Variants in PRKD3 observed in about 807,000 individuals in gnomAD.
PRKD3 encodes serine/threonine-protein kinase D3.
Under a neutral mutation model 99.2 loss-of-function variants are expected in PRKD3, and 47 were observed. The observed-to-expected ratio is 0.47, with a 90% CI of 0.38 to 0.60. The LOEUF is 0.60. Among genes scored for constraint, PRKD3 ranks in the 20% least tolerant of loss-of-function variants. The probability of loss-of-function intolerance (pLI) is 0.00; values close to 1 mark genes in which losing one functional copy is unlikely to be tolerated. For missense variants in PRKD3, 1,019 were observed against 1,088.4 expected, an observed-to-expected ratio of 0.94 and a Z score of 0.90; for synonymous variants, 392 against 355.4, an observed-to-expected ratio of 1.10 and a Z score of -1.16.
chr2:37,298,429 A>G (rs1236851990), intron 2 of PRKD3, among the ~76,000 whole-genome samples: 1 of 151,632 alleles, frequency 6.6e-6, no homozygotes, highest in Admixed American at 6.6e-5. Flanking sequence ...TTTTAAAAAC[A>G]GATGTATAGT....
At chr2:37,318,155 T>A (rs1474213749) in intron 1 of PRKD3, among the ~76,000 whole-genome samples, 1 of 151,930 alleles carries the variant, frequency 6.6e-6, no homozygotes, top group Non-Finnish European at 1.5e-5. Flanking sequence ...TGGGTTAAAT[T>A]AGGAAGAACG....
chr2:37,292,538 G>A (rs943460069), intron 3 of PRKD3, among the ~76,000 whole-genome samples: 1 of 151,978 alleles, frequency 6.6e-6, no homozygotes, highest in Admixed American at 6.6e-5. Context: ...AGTACAGACG[G>A]GGTTTCATCT....
At chr2:37,318,281 G>C (rs1327316202) in intron 1 of PRKD3, among the ~76,000 whole-genome samples, 1 of 152,154 alleles carries the variant, frequency 6.6e-6, no homozygotes, top group Non-Finnish European at 1.5e-5. Flanking sequence ...TCAAGTAAAT[G>C]ATCATTATTC....
intron 2 of PRKD3, among the ~76,000 whole-genome samples, chr2:37,294,568 C>T (rs1246492124): frequency 1.3e-5 from 2 of 149,278 alleles, no homozygotes; most frequent in Non-Finnish European, 3.0e-5. Context: ...TTTGTAAAAC[C>T]TCATAGTATG....
intron 2 of PRKD3, among the ~76,000 whole-genome samples, chr2:37,314,265 T>C (rs1671566976): frequency 6.6e-6 from 1 of 152,214 alleles, no homozygotes; most frequent in African/African-American, 2.4e-5. Context: ...GGAAAAATGA[T>C]TCCCCTGCAA....
Position 37,274,671 on chromosome 2 carries a change from G to T in PRKD3, c.1401C>A (p.Arg467=). ...YKEIPLSEIL[R]ISSPRDFTNI... ...TTGTGAAATCTCGTGGTGAAGATAT[G>T]CGGAGAATTTCTGAAAGTGGAATTT... The change falls in exon 11 of 19, where the codon CGC becomes CGA. Residue 467 remains arginine, a synonymous_variant. Coordinates refer to ENST00000234179, the MANE Select transcript of PRKD3 (RefSeq NM_005813.6). 3 of 1,613,524 alleles carry T rather than the reference G, an allele frequency of 1.9e-6. No individual in the cohort carries two copies. The highest frequency in any genetic ancestry group is 2.5e-6 in the Non-Finnish European group (3 of 1,179,608).
At chr2:37,255,454 A>G (rs1219273539) in intron 17 of PRKD3, among the ~76,000 whole-genome samples, 1 of 152,180 alleles carries the variant, frequency 6.6e-6, no homozygotes, top group East Asian at 1.9e-4. Context: ...TCAGCAGACT[A>G]AAGAGGGCCA....
chr2:37,294,821 T>C (rs1318752404), intron 2 of PRKD3, among the ~76,000 whole-genome samples: 1 of 152,208 alleles, frequency 6.6e-6, no homozygotes, highest in Non-Finnish European at 1.5e-5. Context: ...ATGCCTGTAA[T>C]CCCAGCACTT....
At chr2:37,315,792 C>T (rs1671631193) in intron 2 of PRKD3, among the ~76,000 whole-genome samples, 1 of 152,224 alleles carries the variant, frequency 6.6e-6, no homozygotes, top group South Asian at 2.1e-4. Context: ...GCTATCTCAG[C>T]TCACTGCAAC....
intron 2 of PRKD3, among the ~76,000 whole-genome samples, chr2:37,299,128 C>T (rs963308623): frequency 6.6e-6 from 1 of 152,068 alleles, no homozygotes; most frequent in African/African-American, 2.4e-5. Flanking sequence ...GTTTTTATCA[C>T]GAAGTTTTCA....
At chr2:37,267,364 A>ATT in intron 14 of PRKD3, 66 bp downstream of exon 14, 1 of 941,396 alleles carries the variant, frequency 1.1e-6, no homozygotes, top group Non-Finnish European at 1.6e-6. Context: ...AAAAAAAAAG[A>ATT]GAAGCAGTTA....
At chr2:37,295,419 A>C (rs1465866287) in intron 2 of PRKD3, among the ~76,000 whole-genome samples, 1 of 152,202 alleles carries the variant, frequency 6.6e-6, no homozygotes, top group Non-Finnish European at 1.5e-5. Context: ...TGTAAGCATC[A>C]TCAATGAGAA....
chr2:37,320,753 G>T (rs780107437), intron 1 of PRKD3, among the ~76,000 whole-genome samples: 1 of 152,064 alleles, frequency 6.6e-6, no homozygotes, highest in Non-Finnish European at 1.5e-5. Context: ...CTTCTACTTT[G>T]ATGAATGTCT....
chr2:37,322,381 G>C lies in PRKD3; in HGVS notation c.-656+2300C>G, dbSNP rs556522282. ...TTAACATACTTTTCCTAAGAGCTTAGCATTTGCTAAATTGTTTCCTCTAAA... is the reference window on the plus strand; with the variant it reads ...TTAACATACTTTTCCTAAGAGCTTACCATTTGCTAAATTGTTTCCTCTAAA... On this transcript the variant is annotated intron_variant, in intron 1 of 18. Coordinates refer to ENST00000234179, the MANE Select transcript of PRKD3 (RefSeq NM_005813.6). Among the ~76,000 whole-genome samples, 12 of 152,278 alleles carry C rather than the reference G, an allele frequency of 7.9e-5. No individual in the cohort carries two copies. In the South Asian group the frequency reaches 2.5e-3, roughly 32 times the overall value.
intron 9 of PRKD3, among the ~76,000 whole-genome samples, chr2:37,277,180 G>T (rs1669615280): frequency 6.6e-6 from 1 of 152,118 alleles, no homozygotes; most frequent in African/African-American, 2.4e-5. Context: ...AACATTTATT[G>T]AGTGTTTCTG....
Position 37,272,491 on chromosome 2 carries a change from C to T in PRKD3, c.1652-59G>A, listed in dbSNP as rs920386462. 31 of 1,539,922 alleles carry T rather than the reference C, an allele frequency of 2.0e-5. No individual in the cohort carries two copies. In the African/African-American group the frequency reaches 4.1e-4, roughly 20 times the overall value. ...TGACAATATTATTAATCTTTACTGA[C>T]ATGTGAATGCTCATGGTATATCAAA... On this transcript the variant is annotated intron_variant, in intron 11 of 18. Coordinates refer to ENST00000234179, the MANE Select transcript of PRKD3 (RefSeq NM_005813.6).
chr2:37,306,474 C>A (rs765198798), intron 2 of PRKD3, among the ~76,000 whole-genome samples: 1 of 152,142 alleles, frequency 6.6e-6, no homozygotes, highest in South Asian at 2.1e-4. Flanking sequence ...TAAAAATTCA[C>A]ATTAACTATA....
At chr2:37,265,310 A>G (rs1668761080) in intron 14 of PRKD3, among the ~76,000 whole-genome samples, 1 of 152,226 alleles carries the variant, frequency 6.6e-6, no homozygotes, top group South Asian at 2.1e-4. Context: ...TGTGATGCTC[A>G]CATAACTAAA....
At chr2:37,290,809 T>G in intron 4 of PRKD3, 59 bp downstream of exon 4, 3 of 1,490,630 alleles carry the variant, frequency 2.0e-6, no homozygotes, top group Non-Finnish European at 2.7e-6. Context: ...TCACTGATAA[T>G]AAAAAATGCA....
Sources: gnomAD v4.1 joint callset for allele counts (sites outside exome capture counted in the v4.1 genomes callset) on GRCh38, gnomAD v4.1.1 for gene constraint, MANE v1.5 for transcripts, NCBI Gene and HGNC (gene_info 2026-07-23, HGNC 2026-07-21) for gene names.